Variants in SLC24A2 observed in about 807,000 individuals in gnomAD.
SLC24A2 encodes solute carrier family 24 member 2.
A neutral mutation model predicts 62.0 loss-of-function variants in SLC24A2; 36 were observed. The ratio of observed to expected loss-of-function variants is 0.58; its 90% CI spans 0.44 to 0.77. SLC24A2 has a LOEUF of 0.77. Among genes scored for constraint, SLC24A2 ranks in the 30% least tolerant of loss-of-function variants. The probability of loss-of-function intolerance (pLI) is 0.00; values close to 1 mark genes in which losing one functional copy is unlikely to be tolerated. For synonymous variants in SLC24A2, 358 were observed against 294.0 expected (o/e 1.22, Z -2.23); for missense variants, 846 against 817.9 (o/e 1.03, Z -0.42).
the SLC24A2 span, among the ~76,000 whole-genome samples, chr9:20,256,045 G>A: frequency 1.3e-5 from 2 of 152,192 alleles, no homozygotes; most frequent in African/African-American, 4.8e-5. Flanking sequence ...TAGAAGGGCA[G>A]AGAGTGAGAG....
chr9:19,831,861 A>G, the SLC24A2 span, among the ~76,000 whole-genome samples: 1 of 151,198 alleles, frequency 6.6e-6, no homozygotes, highest in East Asian at 1.9e-4. Context: ...TAAACTTAGA[A>G]TAGAAGAATG....
At chr9:19,707,481 T>C (rs931488103) in intron 2 of SLC24A2, among the ~76,000 whole-genome samples, 1 of 152,238 alleles carries the variant, frequency 6.6e-6, no homozygotes, top group Non-Finnish European at 1.5e-5. Flanking sequence ...GTATCCTTGA[T>C]GAACGTTGAT....
chr9:20,224,944 C>G, the SLC24A2 span, among the ~76,000 whole-genome samples: 13 of 152,102 alleles, frequency 8.5e-5, no homozygotes, highest in African/African-American at 3.1e-4. Flanking sequence ...CCCCACCAAG[C>G]AGCCAATGAC....
the SLC24A2 span, among the ~76,000 whole-genome samples, chr9:20,002,370 T>A: frequency 6.6e-6 from 1 of 151,904 alleles, no homozygotes; most frequent in South Asian, 2.1e-4. Flanking sequence ...CAAACCTTTT[T>A]TTTTTTTTTT....
the SLC24A2 span, among the ~76,000 whole-genome samples, chr9:20,156,106 A>G: frequency 6.6e-6 from 1 of 151,762 alleles, no homozygotes; most frequent in Non-Finnish European, 1.5e-5. Context: ...GCTGGATGGC[A>G]TATTCTCCCT....
At chr9:20,219,810 G>A in the SLC24A2 span, among the ~76,000 whole-genome samples, 1 of 152,112 alleles carries the variant, frequency 6.6e-6, no homozygotes, top group Non-Finnish European at 1.5e-5. Flanking sequence ...AATTAGCCTT[G>A]TGATATTTGT....
At chr9:20,019,672 C>T in the SLC24A2 span, among the ~76,000 whole-genome samples, 5 of 152,034 alleles carry the variant, frequency 3.3e-5, no homozygotes, top group African/African-American at 1.2e-4. Context: ...CAAAGACTTC[C>T]CGACTAAAAC....
At chr9:19,901,500 T>A in the SLC24A2 span, among the ~76,000 whole-genome samples, 2 of 151,804 alleles carry the variant, frequency 1.3e-5, no homozygotes, top group Non-Finnish European at 2.9e-5. Context: ...GGAGGAGGGG[T>A]TGGGGCAGGA....
chr9:19,858,199 C>T, the SLC24A2 span, among the ~76,000 whole-genome samples: 2 of 151,788 alleles, frequency 1.3e-5, no homozygotes, highest in Admixed American at 6.6e-5. Context: ...GAAATAATGC[C>T]ACACACACAC....
chr9:19,905,871 A>C, the SLC24A2 span, among the ~76,000 whole-genome samples: 1 of 152,220 alleles, frequency 6.6e-6, no homozygotes, highest in Admixed American at 6.5e-5. Flanking sequence ...AAAAGAAGTG[A>C]AACTCAAGAG....
At chr9:20,067,765 T>G in the SLC24A2 span, among the ~76,000 whole-genome samples, 1 of 152,178 alleles carries the variant, frequency 6.6e-6, no homozygotes, top group African/African-American at 2.4e-5. Flanking sequence ...ATGTACCACA[T>G]TTTCTTTATC....
At chr9:19,674,142 C>T (rs763362735) in intron 2 of SLC24A2, among the ~76,000 whole-genome samples, 2 of 152,114 alleles carry the variant, frequency 1.3e-5, no homozygotes, top group Non-Finnish European at 2.9e-5. Context: ...CTTAGTTTCT[C>T]TAGATACAAA....
At chr9:20,128,213 C>T in the SLC24A2 span, among the ~76,000 whole-genome samples, 1 of 152,024 alleles carries the variant, frequency 6.6e-6, no homozygotes, top group Non-Finnish European at 1.5e-5. Context: ...TACTATAGTC[C>T]ACCTAATTTT....
At chr9:20,012,215 G>A in the SLC24A2 span, among the ~76,000 whole-genome samples, 1 of 152,198 alleles carries the variant, frequency 6.6e-6, no homozygotes, top group Non-Finnish European at 1.5e-5. Flanking sequence ...AAAGAAAGAG[G>A]TTTACTGGAT....
the SLC24A2 span, among the ~76,000 whole-genome samples, chr9:19,844,915 G>A: frequency 0.017 from 2,546 of 147,862 alleles, 28 homozygotes; most frequent in Middle Eastern, 0.039. Context: ...TTTGGTTTCT[G>A]TAGCCTTAGT....
chr9:20,134,652 A>G, the SLC24A2 span, among the ~76,000 whole-genome samples: 1 of 152,204 alleles, frequency 6.6e-6, no homozygotes, highest in Non-Finnish European at 1.5e-5. Flanking sequence ...AAGTGTTATT[A>G]GAGTCCCATT....
chr9:19,624,857 C>T lies in SLC24A2; in HGVS notation c.931-2558G>A, dbSNP rs374473931. ...GGCTCACCCACATCTACTGATAATT[C>T]GAAGTTCACCTGACTTAGCCTTGCT... On this transcript the variant is annotated intron_variant, in intron 2 of 10. Transcript: ENST00000341998. Among the ~76,000 whole-genome samples, 4 of 152,138 alleles carry T rather than the reference C, an allele frequency of 2.6e-5. No individual in the cohort carries two copies. The East Asian group carries it at 5.8e-4, about 22-fold the overall frequency.
At chr9:20,279,974 A>G in the SLC24A2 span, among the ~76,000 whole-genome samples, 1 of 152,254 alleles carries the variant, frequency 6.6e-6, no homozygotes, top group Non-Finnish European at 1.5e-5. Context: ...GAATGGTCCC[A>G]TCTTTAAAAT....
the SLC24A2 span, among the ~76,000 whole-genome samples, chr9:20,089,680 GC>G: frequency 2.9e-4 from 43 of 149,342 alleles, no homozygotes; most frequent in East Asian, 7.0e-3. Flanking sequence ...GCATCTGACA[GC>G]CCCCCCGCCA....
Sources: gnomAD v4.1 joint callset for allele counts (sites outside exome capture counted in the v4.1 genomes callset) on GRCh38, gnomAD v4.1.1 for gene constraint, MANE v1.5 for transcripts, NCBI Gene and HGNC (gene_info 2026-07-23, HGNC 2026-07-21) for gene names.